Variants in SLC67A1 observed in about 807,000 individuals in gnomAD.
SLC67A1 encodes the protein solute carrier family 67 member A1.
At chr11:2,916,867 G>A in the SLC67A1 span, 1,673 of 774,018 alleles carry the variant, frequency 2.2e-3, 4 homozygotes, top group Non-Finnish European at 3.2e-3. Flanking sequence ...ACACCCTCCT[G>A]CCTTCCTTGA....
the SLC67A1 span, among the ~76,000 whole-genome samples, chr11:2,913,821 G>T: frequency 6.6e-6 from 1 of 152,220 alleles, no homozygotes; most frequent in Non-Finnish European, 1.5e-5. Flanking sequence ...GAGCCTCAGA[G>T]TAAGGTGAGG....
the SLC67A1 span, chr11:2,917,076 C>G: frequency 6.6e-6 from 2 of 301,894 alleles, no homozygotes; most frequent in South Asian, 6.4e-5. Flanking sequence ...AGGGACCCCC[C>G]CAATGGGGTG....
the SLC67A1 span, among the ~76,000 whole-genome samples, chr11:2,901,631 G>A: frequency 6.6e-6 from 1 of 152,242 alleles, no homozygotes; most frequent in African/African-American, 2.4e-5. Flanking sequence ...GCGGCATGAG[G>A]CTTGTTTACC....
the SLC67A1 span, chr11:2,921,444 G>T: frequency 6.5e-6 from 1 of 153,400 alleles, no homozygotes; most frequent in African/African-American, 2.4e-5. Context: ...CTCCAGCCGG[G>T]GCCACCCCTG....
the SLC67A1 span, chr11:2,921,554 G>A: frequency 1.8e-5 from 3 of 163,326 alleles, no homozygotes; most frequent in Admixed American, 1.3e-4. Context: ...CTGCGGCCAA[G>A]CCTGTCCCAC....
chr11:2,903,579 G>A, the SLC67A1 span: 6 of 1,474,838 alleles, frequency 4.1e-6, no homozygotes, highest in Non-Finnish European at 5.6e-6. Context: ...AGAGAGTGGG[G>A]GTGGGGGTTT....
At chr11:2,909,705 G>A in the SLC67A1 span, 6 of 1,525,536 alleles carry the variant, frequency 3.9e-6, no homozygotes, top group East Asian at 2.5e-5. Context: ...TGGTCTCCGC[G>A]TACGGGTGAG....
chr11:2,908,157 G>GC, the SLC67A1 span: 1 of 982,546 alleles, frequency 1.0e-6, no homozygotes. Flanking sequence ...CCCACCCCCT[G>GC]CCCATCCAGG....
chr11:2,922,506 A>C, the SLC67A1 span: 1 of 1,612,772 alleles, frequency 6.2e-7, no homozygotes, highest in East Asian at 2.2e-5. Flanking sequence ...TGCACCCTCA[A>C]CGTGGTCACC....
At chr11:2,916,976 A>G in the SLC67A1 span, 2 of 505,774 alleles carry the variant, frequency 4.0e-6, no homozygotes, top group South Asian at 2.8e-5. Context: ...GAGAGGCAGG[A>G]AGGCCCAGAC....
the SLC67A1 span, chr11:2,922,233 C>T: frequency 6.3e-7 from 1 of 1,591,874 alleles, no homozygotes; most frequent in South Asian, 1.1e-5. Context: ...GGCCCACTCA[C>T]CTGACCCTCT....
the SLC67A1 span, chr11:2,903,206 T>G: frequency 1.3e-6 from 2 of 1,503,364 alleles, no homozygotes; most frequent in South Asian, 2.6e-5. Flanking sequence ...TGCTGTCCTC[T>G]CTTGCAGGCA....
chr11:2,905,910 C>T, the SLC67A1 span, among the ~76,000 whole-genome samples: 1 of 152,148 alleles, frequency 6.6e-6, no homozygotes, highest in African/African-American at 2.4e-5. Context: ...GGTGCCCCCA[C>T]AGAAGGGGAC....
At chr11:2,917,974 C>G in the SLC67A1 span, 2 of 1,604,414 alleles carry the variant, frequency 1.2e-6, no homozygotes, top group Non-Finnish European at 1.7e-6. Context: ...GCCTGAATGG[C>G]CTCTCCGTGC....
the SLC67A1 span, among the ~76,000 whole-genome samples, chr11:2,900,217 C>T: frequency 6.0e-4 from 92 of 152,298 alleles, 1 homozygote; most frequent in Admixed American, 4.6e-3. Flanking sequence ...TCTGGGGACA[C>T]GCACTCCAGA....
At chr11:2,910,118 G>A in the SLC67A1 span, among the ~76,000 whole-genome samples, 2 of 152,172 alleles carry the variant, frequency 1.3e-5, no homozygotes, top group Admixed American at 6.5e-5. Flanking sequence ...CCTCTCCGGA[G>A]GTCTCTAGGG....
At chr11:2,908,611 G>C in the SLC67A1 span, among the ~76,000 whole-genome samples, 2 of 152,214 alleles carry the variant, frequency 1.3e-5, no homozygotes. Flanking sequence ...GGCCTGCCGA[G>C]ACCAGGCAGG....
At chr11:2,902,025 C>T in the SLC67A1 span, among the ~76,000 whole-genome samples, 1 of 152,228 alleles carries the variant, frequency 6.6e-6, no homozygotes, top group Non-Finnish European at 1.5e-5. Context: ...GTGTCCACCT[C>T]CAGCAGCCCG....
At chr11:2,913,017 A>C in the SLC67A1 span, among the ~76,000 whole-genome samples, 1 of 152,092 alleles carries the variant, frequency 6.6e-6, no homozygotes, top group African/African-American at 2.4e-5. Flanking sequence ...GGAGGTGAGC[A>C]GTGTCCCATA....
Sources: allele counts gnomAD v4.1 joint callset (sites outside exome capture counted in the v4.1 genomes callset), GRCh38; gene constraint gnomAD v4.1.1; transcripts MANE v1.5; gene names NCBI Gene and HGNC (gene_info 2026-07-23, HGNC 2026-07-21).